The following ROBO1 variants were observed in gnomAD, a reference collection of about 807,000 sequenced individuals.
ROBO1 encodes the protein roundabout homolog 1.
Under a neutral mutation model 195.9 loss-of-function variants are expected in ROBO1, and 149 were observed. The ratio of observed to expected loss-of-function variants is 0.76; its 90% CI spans 0.67 to 0.87. ROBO1 has a LOEUF of 0.87. Among genes scored for constraint, ROBO1 ranks in the 40% least tolerant of loss-of-function variants. The pLI, the probability that ROBO1 is intolerant of heterozygous loss-of-function variation, is 0.00. For synonymous variants in ROBO1, 816 were observed against 733.2 expected (o/e 1.11, Z -1.82); for missense variants, 1,933 against 2,068.3 (o/e 0.93, Z 1.27).
chr3:78,627,222 T>A (rs1704855032), intron 26 of ROBO1, 99 bp downstream of exon 26: 1 of 1,352,860 alleles, frequency 7.4e-7, no homozygotes. Flanking sequence ...AAAAGGCTTA[T>A]GAGACAAGAA....
rs558226111 is a variant in ROBO1, at chr3:79,503,500, C to A, written c.88+86324G>T. On this transcript the variant is annotated intron_variant, in intron 2 of 30. Transcript: ENST00000464233. Reference sequence around the variant, plus strand: ...TGTTATGAAGTGATACGGCAACTACCAGAAAACTCTTAGGGAAATTGATGT... The same window carrying A: ...TGTTATGAAGTGATACGGCAACTACAAGAAAACTCTTAGGGAAATTGATGT... 7.9e-5 allele frequency among the ~76,000 whole-genome samples: 12 copies of A among 152,312 alleles called. No homozygotes were observed. The East Asian group carries it at 2.3e-3, about 29-fold the overall frequency.
At chr3:78,882,941 T>G (rs1217324721) in intron 4 of ROBO1, among the ~76,000 whole-genome samples, 1 of 151,808 alleles carries the variant, frequency 6.6e-6, no homozygotes, top group Non-Finnish European at 1.5e-5. Flanking sequence ...GCCTCCCAAG[T>G]AGCTGGGATT....
intron 2 of ROBO1, among the ~76,000 whole-genome samples, chr3:79,174,289 C>G (rs74806310): frequency 6.6e-6 from 1 of 151,964 alleles, no homozygotes; most frequent in African/African-American, 2.4e-5. Context: ...CCCACTGAGA[C>G]GAAGGAACAA....
intron 2 of ROBO1, among the ~76,000 whole-genome samples, chr3:79,519,920 A>T (rs544751998): frequency 3.2e-4 from 49 of 152,094 alleles, no homozygotes; most frequent in Non-Finnish European, 6.3e-4. Context: ...GTACTTTGGG[A>T]TACTGAGACA....
intron 8 of ROBO1, among the ~76,000 whole-genome samples, chr3:78,708,637 C>T (rs2107995603): frequency 6.6e-6 from 1 of 152,242 alleles, no homozygotes; most frequent in East Asian, 1.9e-4. Flanking sequence ...TGCAACCATT[C>T]TTGAATACCA....
At chr3:79,688,790 TTATTTC>T (rs1318070331) in intron 1 of ROBO1, among the ~76,000 whole-genome samples, 1 of 152,026 alleles carries the variant, frequency 6.6e-6, no homozygotes, top group African/African-American at 2.4e-5. Context: ...AATTCAATGG[TTATTTC>T]TATTTACTTC....
intron 2 of ROBO1, among the ~76,000 whole-genome samples, chr3:79,274,359 G>T (rs573376155): frequency 6.6e-6 from 1 of 151,836 alleles, no homozygotes; most frequent in African/African-American, 2.4e-5. Context: ...TTTGGAAACT[G>T]AAAAAATACA....
At chr3:79,442,473 T>C in intron 2 of ROBO1, among the ~76,000 whole-genome samples, 1 of 152,154 alleles carries the variant, frequency 6.6e-6, no homozygotes. Flanking sequence ...TATGCATTAA[T>C]ACAGGATTAC....
intron 2 of ROBO1, among the ~76,000 whole-genome samples, chr3:79,447,088 C>A (rs2039285851): frequency 6.6e-6 from 1 of 152,100 alleles, no homozygotes. Context: ...CTTGGCCTCC[C>A]AAAGTGCTGG....
chr3:79,232,866 T>C (rs1189002543), intron 2 of ROBO1, among the ~76,000 whole-genome samples: 3 of 152,066 alleles, frequency 2.0e-5, no homozygotes, highest in Non-Finnish European at 4.4e-5. Context: ...CAATGAGGAA[T>C]ACATGAAGAA....
At chr3:78,628,357 C>G (rs958470336) in intron 25 of ROBO1, among the ~76,000 whole-genome samples, 1 of 152,050 alleles carries the variant, frequency 6.6e-6, no homozygotes, top group Non-Finnish European at 1.5e-5. Flanking sequence ...TATAGTAGAT[C>G]ACTATTTCTT....
intron 4 of ROBO1, among the ~76,000 whole-genome samples, chr3:78,931,729 G>A (rs1368089938): frequency 6.6e-6 from 1 of 152,126 alleles, no homozygotes. Flanking sequence ...ACTTCGGGAG[G>A]CCAAGGAAGG....
At chr3:79,058,750 G>C (rs2078860188) in intron 3 of ROBO1, among the ~76,000 whole-genome samples, 1 of 152,090 alleles carries the variant, frequency 6.6e-6, no homozygotes, top group Admixed American at 6.6e-5. Context: ...GTTCGAGCTT[G>C]AGAAGGAATC....
chr3:79,481,790 G>A (rs1012770974), intron 2 of ROBO1, among the ~76,000 whole-genome samples: 7 of 151,974 alleles, frequency 4.6e-5, no homozygotes, highest in Non-Finnish European at 8.8e-5. Context: ...AGAAATTTTG[G>A]TATTATTTCT....
At chr3:78,994,250 A>G (rs948545582) in intron 3 of ROBO1, among the ~76,000 whole-genome samples, 2 of 152,144 alleles carry the variant, frequency 1.3e-5, no homozygotes, top group Admixed American at 1.3e-4. Flanking sequence ...AGGCTCCAAG[A>G]TTTGAATTCA....
At chr3:78,654,393 A>G (rs1391562638) in intron 18 of ROBO1, among the ~76,000 whole-genome samples, 1 of 152,232 alleles carries the variant, frequency 6.6e-6, no homozygotes, top group African/African-American at 2.4e-5. Context: ...TTGTTGAATG[A>G]AAGTTTTATT....
At chr3:79,429,259 T>G (rs1344077666) in intron 2 of ROBO1, among the ~76,000 whole-genome samples, 1 of 152,124 alleles carries the variant, frequency 6.6e-6, no homozygotes, top group Non-Finnish European at 1.5e-5. Flanking sequence ...TGATTGGAGT[T>G]GCTGGTTCAT....
chr3:79,160,400 AT>A (rs1576753778), intron 2 of ROBO1, among the ~76,000 whole-genome samples: 1 of 152,124 alleles, frequency 6.6e-6, no homozygotes, highest in Non-Finnish European at 1.5e-5. Flanking sequence ...AAATATTTTC[AT>A]TGGAATCCAA....
At chr3:79,084,944 A>T (rs2079341117) in intron 3 of ROBO1, among the ~76,000 whole-genome samples, 1 of 152,122 alleles carries the variant, frequency 6.6e-6, no homozygotes, top group Non-Finnish European at 1.5e-5. Context: ...TAAAATTATA[A>T]ATTAATTTAA....
Sources: gnomAD v4.1 joint callset for allele counts (sites outside exome capture counted in the v4.1 genomes callset) on GRCh38, gnomAD v4.1.1 for gene constraint, MANE v1.5 for transcripts, NCBI Gene and HGNC (gene_info 2026-07-23, HGNC 2026-07-21) for gene names.